YAF2: variants seen among roughly 807,000 people sequenced by gnomAD.
The protein encoded by YAF2 is YY1-associated factor 2.
Under a neutral mutation model 20.1 loss-of-function variants are expected in YAF2, and 7 were observed. The observed-to-expected ratio is 0.35, with a 90% confidence interval of 0.20 to 0.65. The LOEUF is 0.65. YAF2 is among the 30% of genes least tolerant of loss of function. The pLI, the probability that YAF2 is intolerant of heterozygous loss-of-function variation, is 0.69. For synonymous variants in YAF2, 74 were observed against 76.0 expected, an observed-to-expected ratio of 0.97 and a Z score of 0.14; for missense variants, 151 against 219.2, an observed-to-expected ratio of 0.69 and a Z score of 1.96.
intron 2 of YAF2, among the ~76,000 whole-genome samples, chr12:42,200,265 G>A (rs922978696): frequency 1.3e-5 from 2 of 152,152 alleles, no homozygotes; most frequent in Non-Finnish European, 2.9e-5. Flanking sequence ...TATTTGGAGG[G>A]AAAGTGACAA....
intron 2 of YAF2, chr12:42,233,977 C>G: frequency 5.5e-6 from 5 of 903,546 alleles, no homozygotes; most frequent in Non-Finnish European, 6.6e-6. Context: ...TTGAGACCAG[C>G]CTGGCCAGCA....
intron 2 of YAF2, among the ~76,000 whole-genome samples, chr12:42,195,074 G>A (rs747476621): frequency 2.6e-5 from 4 of 152,134 alleles, no homozygotes; most frequent in Non-Finnish European, 5.9e-5. Flanking sequence ...ACAGTTCAGC[G>A]TGAGAAACAA....
chr12:42,176,521 C>T (rs918314147), intron 2 of YAF2, among the ~76,000 whole-genome samples: 2 of 152,138 alleles, frequency 1.3e-5, no homozygotes, highest in Non-Finnish European at 2.9e-5. Flanking sequence ...TTGCTTAGAC[C>T]GAACACTTAG....
At chr12:42,164,034 C>G (rs2065857265) in intron 2 of YAF2, among the ~76,000 whole-genome samples, 1 of 152,180 alleles carries the variant, frequency 6.6e-6, no homozygotes, top group South Asian at 2.1e-4. Context: ...ATTTATCACT[C>G]ATGGTTTTGA....
rs2065741624 is a variant in YAF2 at position 42,158,459 on chromosome 12, A to G, written c.*2130T>C. Reference sequence around the variant, plus strand: ...AAAAGCTCACATTTACTGAGTGACCAGTATGTGTCAGATAATTAAGAATTT... The same window carrying G: ...AAAAGCTCACATTTACTGAGTGACCGGTATGTGTCAGATAATTAAGAATTT... On this transcript the variant is annotated 3_prime_UTR_variant, in exon 4 of 4. Coordinates refer to ENST00000534854, the MANE Select transcript of YAF2 (RefSeq NM_005748.6). 1 of 152,238 alleles carries G rather than the reference A, an allele frequency of 6.6e-6. No homozygotes were observed. Among genetic ancestry groups the G allele is most frequent in the Admixed American group, 6.5e-5 (1 of 15,286 alleles). The allele number at this position is 152,238 out of a possible 1,614,324, so 9.4% of individuals were successfully genotyped here. A position where few individuals can be genotyped will look rare whatever the true frequency, so the allele number is the denominator to read the frequency against.
chr12:42,195,051 G>A (rs903165382), intron 2 of YAF2, among the ~76,000 whole-genome samples: 6 of 152,172 alleles, frequency 3.9e-5, no homozygotes, highest in Admixed American at 2.6e-4. Context: ...TGATAGATAC[G>A]GTTTCAGCCC....
intron 2 of YAF2, chr12:42,212,322 TTCA>T (rs1380584282): frequency 4.5e-6 from 1 of 221,978 alleles, no homozygotes; most frequent in East Asian, 1.3e-4. Flanking sequence ...TCAATATATA[TTCA>T]TCATATTCAT....
chr12:42,191,890 G>A (rs1386789398), intron 2 of YAF2, among the ~76,000 whole-genome samples: 1 of 151,786 alleles, frequency 6.6e-6, no homozygotes, highest in Non-Finnish European at 1.5e-5. Flanking sequence ...GAGTGTTCAA[G>A]ACCAGCCTGG....
At chr12:42,210,442 G>A (rs371885898) in intron 2 of YAF2, 13 of 1,534,130 alleles carry the variant, frequency 8.5e-6, no homozygotes, top group South Asian at 7.2e-5. Context: ...TTCCTGATGG[G>A]CATCCACTGG....
At chr12:42,186,729 G>A (rs1259022023) in intron 2 of YAF2, among the ~76,000 whole-genome samples, 1 of 152,088 alleles carries the variant, frequency 6.6e-6, no homozygotes, top group East Asian at 1.9e-4. Flanking sequence ...TTCCCACTAG[G>A]AGTAACCAGG....
intron 2 of YAF2, among the ~76,000 whole-genome samples, chr12:42,181,041 T>C (rs2066329561): frequency 6.6e-6 from 1 of 152,190 alleles, no homozygotes; most frequent in Admixed American, 6.5e-5. Flanking sequence ...TACACCTAGC[T>C]CTGGGCAACT....
intron 2 of YAF2, chr12:42,199,194 A>G: frequency 7.8e-7 from 1 of 1,289,332 alleles, no homozygotes; most frequent in Admixed American, 2.3e-5. Flanking sequence ...AGCCAGCAGG[A>G]TTGTTCCACC....
Position 42,237,806 on chromosome 12 carries a change from G to A in YAF2, c.27-82C>T. On this transcript the variant is annotated intron_variant, in intron 1 of 3. Transcript: ENST00000534854. Reference sequence around the variant, plus strand: ...GTGCCCGGGCCCCGCGGCCGCCCCCGCCCCGCCCCCCGCCCCAATTCTGCG... The same window carrying A: ...GTGCCCGGGCCCCGCGGCCGCCCCCACCCCGCCCCCCGCCCCAATTCTGCG... 3.3e-6 allele frequency: 3 copies of A among 913,620 alleles called. No individual in the cohort carries two copies. The African/African-American group carries it at 9.6e-5, about 29-fold the overall frequency. The allele number at this position is 913,620 out of a possible 1,614,324, so 56.6% of individuals were successfully genotyped here. A position where few individuals can be genotyped will look rare whatever the true frequency, so the allele number is the denominator to read the frequency against.
chr12:42,178,136 G>T (rs1190647603), intron 2 of YAF2, among the ~76,000 whole-genome samples: 1 of 152,088 alleles, frequency 6.6e-6, no homozygotes, highest in African/African-American at 2.4e-5. Context: ...TATCAATAAA[G>T]AAAAATAAAT....
intron 2 of YAF2, among the ~76,000 whole-genome samples, chr12:42,205,345 CACG>C (rs1221835395): frequency 6.6e-6 from 1 of 151,360 alleles, no homozygotes; most frequent in African/African-American, 2.4e-5. Context: ...TTTGACTGAT[CACG>C]ACATTGTTTT....
At chr12:42,163,787 A>G (rs11181356) in intron 2 of YAF2, among the ~76,000 whole-genome samples, 28,075 of 152,174 alleles carry the variant, frequency 0.18, 2,705 homozygotes, top group Admixed American at 0.24. Context: ...AAGAGCTTTC[A>G]CTGAAGGTAG....
At chr12:42,173,042 G>T (rs2066089231) in intron 2 of YAF2, among the ~76,000 whole-genome samples, 1 of 152,092 alleles carries the variant, frequency 6.6e-6, no homozygotes. Flanking sequence ...GAGAGGGAGA[G>T]AGAGACAGAG....
intron 2 of YAF2, among the ~76,000 whole-genome samples, chr12:42,171,028 T>C (rs183195524): frequency 1.5e-3 from 224 of 152,310 alleles, no homozygotes; most frequent in African/African-American, 5.2e-3. Flanking sequence ...AGTGAAACTC[T>C]GTCTCCCAGG....
intron 2 of YAF2, among the ~76,000 whole-genome samples, chr12:42,209,069 A>G (rs958927327): frequency 2.0e-5 from 3 of 152,184 alleles, no homozygotes; most frequent in Admixed American, 1.3e-4. Context: ...TATCAATTCA[A>G]TAAGTTATTT....
Sources: allele counts gnomAD v4.1 joint callset (sites outside exome capture counted in the v4.1 genomes callset), GRCh38; gene constraint gnomAD v4.1.1; transcripts MANE v1.5; gene names NCBI Gene and HGNC (gene_info 2026-07-23, HGNC 2026-07-21).